Variants in PTPN14 observed in about 807,000 individuals in gnomAD.
PTPN14 encodes the protein protein tyrosine phosphatase non-receptor type 14, also known as tyrosine-protein phosphatase non-receptor type 14.
Under a neutral mutation model 126.8 loss-of-function variants are expected in PTPN14, and 53 were observed. That is an observed-to-expected ratio of 0.42 (90% CI 0.34 to 0.53). The LOEUF is 0.53. Ranked by LOEUF, PTPN14 falls within the 20% of genes least tolerant of loss-of-function variation. PTPN14 has a pLI of 0.08. For missense variants in PTPN14, 1,257 were observed against 1,552.9 expected (o/e 0.81, Z 3.20); for synonymous variants, 630 against 599.3 (o/e 1.05, Z -0.75).
intron 2 of PTPN14, among the ~76,000 whole-genome samples, chr1:214,458,003 A>G (rs540423081): frequency 0.22 from 1,655 of 7,456 alleles, 29 homozygotes; most frequent in African/African-American, 0.37. Flanking sequence ...ATCTATATCT[A>G]TATCTATATC....
At chr1:214,538,936 T>G (rs1203299940) in intron 1 of PTPN14, among the ~76,000 whole-genome samples, 2 of 152,240 alleles carry the variant, frequency 1.3e-5, no homozygotes, top group Admixed American at 1.3e-4. Context: ...ATAAAGACAT[T>G]AAACTAAATG....
intron 1 of PTPN14, among the ~76,000 whole-genome samples, chr1:214,469,805 A>C (rs1239479496): frequency 9.5e-6 from 1 of 105,770 alleles, no homozygotes; most frequent in African/African-American, 4.1e-5. Context: ...GGATGGTGAT[A>C]GTGGGGGCGC....
At chr1:214,408,603 G>A (rs1253369599) in intron 5 of PTPN14, among the ~76,000 whole-genome samples, 1 of 152,180 alleles carries the variant, frequency 6.6e-6, no homozygotes, top group Non-Finnish European at 1.5e-5. Context: ...CCATAGAACT[G>A]ACCATCTAGC....
At chr1:214,416,912 G>A (rs1003657596) in intron 3 of PTPN14, among the ~76,000 whole-genome samples, 2 of 151,910 alleles carry the variant, frequency 1.3e-5, no homozygotes, top group African/African-American at 2.4e-5. Flanking sequence ...TCTCATTAGC[G>A]ATTCAATTAT....
At chr1:214,396,999 G>T (rs1321287915) in intron 8 of PTPN14, among the ~76,000 whole-genome samples, 1 of 152,162 alleles carries the variant, frequency 6.6e-6, no homozygotes, top group Non-Finnish European at 1.5e-5. Flanking sequence ...GATCTCTCTT[G>T]TCACTCCTGC....
At chr1:214,533,092 T>C in intron 1 of PTPN14, 1 of 735,594 alleles carries the variant, frequency 1.4e-6, no homozygotes, top group Non-Finnish European at 2.5e-6. Flanking sequence ...GGTCCAGTCC[T>C]TGGAGATCGA....
chr1:214,487,518 C>T (rs1304485784), intron 1 of PTPN14, among the ~76,000 whole-genome samples: 1 of 151,660 alleles, frequency 6.6e-6, no homozygotes, highest in East Asian at 1.9e-4. Flanking sequence ...CCCAGTTGCT[C>T]AGGAGGCTGA....
intron 3 of PTPN14, among the ~76,000 whole-genome samples, chr1:214,445,367 T>C (rs973332731): frequency 1.3e-5 from 2 of 152,204 alleles, no homozygotes; most frequent in African/African-American, 4.8e-5. Flanking sequence ...AGTTGCACTC[T>C]GTCAATTCTG....
intron 1 of PTPN14, among the ~76,000 whole-genome samples, chr1:214,490,887 GGGGAGGGGAGGGAAGGGGAAGGAA>G (rs1392610345): frequency 0.016 from 383 of 24,652 alleles, 2 homozygotes; most frequent in African/African-American, 0.022. Flanking sequence ...GGGGAGGGAA[GGGGAGGGGAGGGAAGGGGAAGGAA>G]GGGAAGGAAA....
intron 2 of PTPN14, among the ~76,000 whole-genome samples, chr1:214,457,031 C>A (rs1660399335): frequency 6.6e-6 from 1 of 152,168 alleles, no homozygotes; most frequent in Non-Finnish European, 1.5e-5. Flanking sequence ...TGAGTACCCC[C>A]CAAATCCCAC....
rs144483351 is a variant in PTPN14 at position 214,524,905 on chromosome 1, A to G, written c.-155+26278T>C. Among the ~76,000 whole-genome samples the G allele has an allele frequency of 3.1e-3, 476 of 152,262 alleles. 1 individual carries two copies. Among genetic ancestry groups the G allele is most frequent in the African/African-American group, 0.011 (457 of 41,546 alleles). On this transcript the variant is annotated intron_variant, in intron 1 of 18. Transcript: ENST00000366956. ...AATTTGAAACACCCCAAGTGTCTCA[A>G]ATTATTTCAAAATAAGTTATGAAAC...
At chr1:214,509,785 A>G (rs1443045291) in intron 1 of PTPN14, among the ~76,000 whole-genome samples, 1 of 152,224 alleles carries the variant, frequency 6.6e-6, no homozygotes, top group Non-Finnish European at 1.5e-5. Context: ...TGGCACATAT[A>G]CACCATGGAA....
chr1:214,362,766 A>AC (rs781582942), intron 18 of PTPN14, among the ~76,000 whole-genome samples: 359 of 152,294 alleles, frequency 2.4e-3, no homozygotes, highest in Non-Finnish European at 3.8e-3. Context: ...AACTCAGGAG[A>AC]CCGAGGTGGA....
At chr1:214,544,650 C>A (rs1655922642) in intron 1 of PTPN14, among the ~76,000 whole-genome samples, 1 of 151,874 alleles carries the variant, frequency 6.6e-6, no homozygotes, top group Non-Finnish European at 1.5e-5. Context: ...ACTCAGGAGG[C>A]TGAGGTAGGA....
intron 4 of PTPN14, among the ~76,000 whole-genome samples, chr1:214,414,311 G>A (rs1051341324): frequency 2.6e-5 from 4 of 152,156 alleles, no homozygotes; most frequent in Admixed American, 2.6e-4. Context: ...ACCACATTGT[G>A]CCTTGGAATA....
rs868805208 is a variant in PTPN14, at chr1:214,383,915, T to C, written c.1940A>G (p.Asn647Ser). 1.9e-6 allele frequency: 3 copies of C among 1,613,472 alleles called. No homozygotes were observed. Among genetic ancestry groups the C allele is most frequent in the Middle Eastern group, 3.3e-4 (2 of 6,062 alleles). Residue 647 changes from asparagine to serine, a missense_variant, in exon 13 of 19, where the codon AAC becomes AGC. Asn to Ser is a conservative substitution (Grantham distance 46, BLOSUM62 1). This residue lies in a region of PTPN14 where 1,021 missense variants were observed against 1,183.3 expected (regional missense o/e 0.86). Coordinates refer to ENST00000366956, the MANE Select transcript of PTPN14 (RefSeq NM_005401.5). The surrounding 1 kb of genome is among the most constrained non-coding windows in gnomAD (Gnocchi z 4.4). ...GGCCTCCATGCCCCGCACCATGCTG[T>C]TCATCACCTCCAGGCTGTGGCGCTT... ...VNKRHSLEVMNSMVRGMEAMT... is the reference protein window; with the variant it reads ...VNKRHSLEVMSSMVRGMEAMT...
intron 3 of PTPN14, among the ~76,000 whole-genome samples, chr1:214,426,706 C>T (rs1659671856): frequency 6.6e-6 from 1 of 152,164 alleles, no homozygotes; most frequent in Non-Finnish European, 1.5e-5. Flanking sequence ...CAAACACACT[C>T]CTCCTTTTCA....
intron 1 of PTPN14, among the ~76,000 whole-genome samples, chr1:214,543,798 T>C (rs150954849): frequency 6.6e-6 from 1 of 152,290 alleles, no homozygotes; most frequent in East Asian, 1.9e-4. Context: ...TTTGTACTTT[T>C]AGTAGAGACG....
chr1:214,467,739 A>C (rs1660672966), intron 1 of PTPN14, among the ~76,000 whole-genome samples: 1 of 152,248 alleles, frequency 6.6e-6, no homozygotes, highest in African/African-American at 2.4e-5. Context: ...TATCTACTGA[A>C]AATGGTGTAT....
Sources: allele counts gnomAD v4.1 joint callset (sites outside exome capture counted in the v4.1 genomes callset), GRCh38; gene constraint gnomAD v4.1.1; regional missense constraint gnomAD v4.1.1; non-coding constraint Gnocchi (gnomAD v3.1); transcripts MANE v1.5; gene names NCBI Gene and HGNC (gene_info 2026-07-23, HGNC 2026-07-21).